Variants in STK33 observed in about 807,000 individuals in gnomAD.
STK33 encodes serine/threonine kinase 33, also known as serine/threonine-protein kinase 33.
In STK33, 52 loss-of-function variants were observed where a neutral mutation model predicts 58.0. The observed-to-expected ratio is 0.90, with a 90% CI of 0.72 to 1.13. The LOEUF (loss-of-function observed/expected upper bound fraction) is 1.13. Ranked by LOEUF, STK33 falls within the 50% of genes most tolerant of loss-of-function variation. The pLI is 0.00. For missense variants in STK33, 630 were observed against 604.2 expected, an observed-to-expected ratio of 1.04 and a Z score of -0.45; for synonymous variants, 215 against 200.1, an observed-to-expected ratio of 1.07 and a Z score of -0.63.
chr11:8,558,382 A>G (rs1956906247), intron 1 of STK33, among the ~76,000 whole-genome samples: 1 of 151,938 alleles, frequency 6.6e-6, no homozygotes, highest in South Asian at 2.1e-4. Flanking sequence ...ACAAAACTCC[A>G]AATCTTTGTC....
chr11:8,501,509 T>G (rs1951512309), intron 1 of STK33, among the ~76,000 whole-genome samples: 1 of 152,086 alleles, frequency 6.6e-6, no homozygotes. Flanking sequence ...CTAGGACAGC[T>G]ATAGTAAAAA....
intron 1 of STK33, among the ~76,000 whole-genome samples, chr11:8,495,099 T>C (rs1950953259): frequency 6.6e-6 from 1 of 151,958 alleles, no homozygotes. Context: ...ACAAATGGGA[T>C]CTAATTAAAC....
downstream of STK33, among the ~76,000 whole-genome samples, chr11:8,390,701 T>C (rs1848608908): frequency 6.6e-6 from 1 of 152,210 alleles, no homozygotes; most frequent in Non-Finnish European, 1.5e-5. Flanking sequence ...GCAGGGTGGC[T>C]GGCCTTGCCT....
At chr11:8,373,686 C>T in the STK33 span, among the ~76,000 whole-genome samples, 1 of 152,212 alleles carries the variant, frequency 6.6e-6, no homozygotes, top group African/African-American at 2.4e-5. Context: ...CAGCTATAAG[C>T]AGACCCTCTT....
chr11:8,560,325 A>T (rs1167330592), intron 1 of STK33, among the ~76,000 whole-genome samples: 4 of 152,192 alleles, frequency 2.6e-5, no homozygotes, highest in African/African-American at 7.2e-5. Flanking sequence ...ATCTTATTTT[A>T]ATTTCTACCT....
the STK33 span, among the ~76,000 whole-genome samples, chr11:8,337,607 C>T: frequency 2.0e-5 from 2 of 102,330 alleles, no homozygotes; most frequent in Admixed American, 1.6e-4. Context: ...CAGCCTGCAG[C>T]GTGGGCCAGG....
the STK33 span, among the ~76,000 whole-genome samples, chr11:8,374,954 G>C: frequency 6.6e-6 from 1 of 152,164 alleles, no homozygotes; most frequent in African/African-American, 2.4e-5. Context: ...ATATTTGGCA[G>C]GGAAGTATAG....
At chr11:8,383,892 A>T in the STK33 span, among the ~76,000 whole-genome samples, 1 of 152,140 alleles carries the variant, frequency 6.6e-6, no homozygotes, top group Admixed American at 6.5e-5. Context: ...TTTCGCTATT[A>T]ACTCTGGGTC....
intron 1 of STK33, among the ~76,000 whole-genome samples, chr11:8,559,377 T>A (rs990929528): frequency 1.3e-5 from 2 of 152,134 alleles, no homozygotes; most frequent in Non-Finnish European, 2.9e-5. Context: ...GGCATGACAA[T>A]CATGTAATAA....
At chr11:8,400,360 G>A (rs1271446882) in intron 15 of STK33, among the ~76,000 whole-genome samples, 2 of 152,128 alleles carry the variant, frequency 1.3e-5, no homozygotes, top group African/African-American at 2.4e-5. Flanking sequence ...CAGAACCAAT[G>A]ACAAAAACCA....
intron 1 of STK33, among the ~76,000 whole-genome samples, chr11:8,543,656 G>T (rs1488584342): frequency 1.3e-5 from 2 of 152,086 alleles, no homozygotes; most frequent in Non-Finnish European, 2.9e-5. Flanking sequence ...TTAAAAAAAT[G>T]GAAGAATGAA....
At chr11:8,552,990 A>T (rs1382805871) in intron 1 of STK33, among the ~76,000 whole-genome samples, 2 of 141,928 alleles carry the variant, frequency 1.4e-5, no homozygotes, top group Non-Finnish European at 3.1e-5. Flanking sequence ...GTCTCCACAT[A>T]AAAAAAAAAA....
the STK33 span, among the ~76,000 whole-genome samples, chr11:8,371,729 TTCTCTCCCTCCCTCCC>T: frequency 8.1e-6 from 1 of 123,748 alleles, no homozygotes; most frequent in African/African-American, 2.7e-5. Context: ...CCCTCCCTTC[TTCTCTCCCTCCCTCCC>T]TCTCTCCCTC....
At chr11:8,588,730 T>C (rs987052481) in intron 1 of STK33, among the ~76,000 whole-genome samples, 3 of 152,010 alleles carry the variant, frequency 2.0e-5, no homozygotes, top group African/African-American at 7.2e-5. Context: ...AAAAAGACAA[T>C]CTACAAAATG....
intron 13 of STK33, 37 bp downstream of exon 13, chr11:8,435,990 T>C (rs1944014125): frequency 2.6e-5 from 32 of 1,252,408 alleles, no homozygotes; most frequent in Non-Finnish European, 3.3e-5. Flanking sequence ...ATGTTACTTA[T>C]ATTAGCTTTA....
intron 1 of STK33, among the ~76,000 whole-genome samples, chr11:8,517,475 G>C (rs1202411322): frequency 6.6e-6 from 1 of 152,234 alleles, no homozygotes; most frequent in African/African-American, 2.4e-5. Context: ...AACAAAGCTG[G>C]ACGGAGAATG....
chr11:8,589,621 C>G (rs985303516), intron 1 of STK33, among the ~76,000 whole-genome samples: 2 of 151,914 alleles, frequency 1.3e-5, no homozygotes, highest in Admixed American at 6.6e-5. Flanking sequence ...CTAGTGTGCA[C>G]TTTAAAAGGG....
intron 1 of STK33, among the ~76,000 whole-genome samples, chr11:8,510,014 A>G (rs759247838): frequency 1.3e-5 from 2 of 152,196 alleles, no homozygotes; most frequent in Admixed American, 6.5e-5. Flanking sequence ...CTTTGGGTAG[A>G]TACTCAGCAG....
At chr11:8,499,721 C>A (rs545953776) in intron 1 of STK33, among the ~76,000 whole-genome samples, 2 of 152,262 alleles carry the variant, frequency 1.3e-5, no homozygotes, top group South Asian at 4.2e-4. Flanking sequence ...ACATATACAC[C>A]ATGGAATACT....
Sources: allele counts gnomAD v4.1 joint callset (sites outside exome capture counted in the v4.1 genomes callset), GRCh38; gene constraint gnomAD v4.1.1; transcripts MANE v1.5; gene names NCBI Gene and HGNC (gene_info 2026-07-23, HGNC 2026-07-21).